MEGF8: variants seen among roughly 807,000 people sequenced by gnomAD.
MEGF8 encodes multiple EGF like domains 8.
A neutral mutation model predicts 302.9 loss-of-function variants in MEGF8; 156 were observed. The observed-to-expected ratio is 0.52, with a 90% CI of 0.45 to 0.59. The LOEUF (loss-of-function observed/expected upper bound fraction) is 0.59, where lower values mean the gene tolerates loss of function less well. Ranked by LOEUF, MEGF8 falls within the 20% of genes least tolerant of loss-of-function variation. The pLI, the probability that MEGF8 is intolerant of heterozygous loss-of-function variation, is 0.00. For missense variants in MEGF8, 3,345 were observed against 3,964.5 expected, an observed-to-expected ratio of 0.84 and a Z score of 4.20; for synonymous variants, 1,621 against 1,660.5, an observed-to-expected ratio of 0.98 and a Z score of 0.58.
Position 42,362,135 on chromosome 19 carries a change from G to T in MEGF8, c.5766G>T (p.Pro1922=). 6.2e-7 allele frequency: 1 copy of T among 1,612,292 alleles called. No individual in the cohort carries two copies. The highest frequency in any genetic ancestry group is 1.1e-5 in the South Asian group (1 of 90,752). Reference sequence around the variant, plus strand: ...CCTGCTCCCCAATGCCTCGCTCCCCGGAGGAATGTCGACGTCTCCGGACCT... The same window carrying T: ...CCTGCTCCCCAATGCCTCGCTCCCCTGAGGAATGTCGACGTCTCCGGACCT... The part of the protein sequence containing the change: ...GSPCSPMPRS[P]EECRRLRTCS... Residue 1922 remains proline, a synonymous_variant, in exon 33 of 42, where the codon CCG becomes CCT. Coordinates refer to ENST00000251268, the MANE Select transcript of MEGF8 (RefSeq NM_001271938.2).
At chr19:42,374,363 C>T (rs896572545) in intron 41 of MEGF8, among the ~76,000 whole-genome samples, 10 of 150,606 alleles carry the variant, frequency 6.6e-5, no homozygotes, top group Admixed American at 1.3e-4. Flanking sequence ...CCCAACTACT[C>T]GGGAGGCTGA....
At chr19:42,343,826 G>T in intron 9 of MEGF8, 128 bp from the exon 10 acceptor site, 2 of 1,403,656 alleles carry the variant, frequency 1.4e-6, no homozygotes. Context: ...GGAATGGATG[G>T]GCATGCTGAG....
At chr19:42,346,291 C>T (rs1568562376) in intron 12 of MEGF8, among the ~76,000 whole-genome samples, 1 of 152,160 alleles carries the variant, frequency 6.6e-6, no homozygotes, top group Non-Finnish European at 1.5e-5. Flanking sequence ...CGGTGGCTCA[C>T]GCCTGTAATT....
chr19:42,356,649 G>A lies in MEGF8; in HGVS notation c.4623-125G>A. The A allele has an allele frequency of 9.2e-7, 1 of 1,085,710 alleles. No homozygotes were observed. Among genetic ancestry groups the A allele is most frequent in the Non-Finnish European group, 1.3e-6 (1 of 770,262 alleles). 67.3% of individuals were successfully genotyped at this position (1,085,710 alleles called of 1,614,324 possible). On this transcript the variant is annotated intron_variant, in intron 26 of 41. Transcript: ENST00000251268. The surrounding 1 kb of genome is among the most constrained non-coding windows in gnomAD (Gnocchi z 5.2). Reference sequence around the variant, plus strand: ...CTTATTTGGGTGGTGCTACTCCAGGGAATGGCAAGAGGACTGTCATAGGAA... The same window carrying A: ...CTTATTTGGGTGGTGCTACTCCAGGAAATGGCAAGAGGACTGTCATAGGAA...
chr19:42,353,509 T>G lies in MEGF8; in HGVS notation c.3595T>G (p.Phe1199Val). ...CTGCGAACGATGCCGGCCCGGCAGC[T>G]TCGGCAACGCCACAGGCTCTAGGGG... ...EHCERCRPGS[F>V]GNATGSRGCR... Residue 1199 changes from phenylalanine (F) to valine (V), a missense_variant, in exon 21 of 42, where the codon TTC (phenylalanine) becomes GTC (valine). Physicochemically the swap from Phe to Val is conservative, Grantham distance 50. Transcript: ENST00000251268. This position sits in a 1 kb window ranked among gnomAD's most constrained non-coding sequence, Gnocchi z 6.1. 1.2e-6 allele frequency: 2 copies of G among 1,610,680 alleles called. No individual in the cohort carries two copies. The highest frequency in any genetic ancestry group is 1.7e-6 in the Non-Finnish European group (2 of 1,179,146).
chr19:42,366,746 T>C (rs187746505), intron 35 of MEGF8, among the ~76,000 whole-genome samples: 25 of 152,344 alleles, frequency 1.6e-4, no homozygotes, highest in African/African-American at 5.8e-4. Flanking sequence ...GTGTATGGTG[T>C]TGGGCATCTT....
At chr19:42,360,493 G>T (rs1386196018) in intron 31 of MEGF8, among the ~76,000 whole-genome samples, 1 of 151,826 alleles carries the variant, frequency 6.6e-6, no homozygotes, top group Non-Finnish European at 1.5e-5. Flanking sequence ...CCACAGGTGC[G>T]CACCACCATG....
chr19:42,352,680 C>A lies in MEGF8; in HGVS notation c.3350+224C>A. ...GCACCCATAGGCTGTGGGCCATAGT[C>A]TTCAGCGTTGCCATGGAGGCGGAGG... On this transcript the variant is annotated intron_variant, in intron 19 of 41. Transcript: ENST00000251268. The surrounding 1 kb of genome is among the most constrained non-coding windows in gnomAD (Gnocchi z 4.4). 1 of 675,196 alleles carries A rather than the reference C, an allele frequency of 1.5e-6. No homozygotes were observed. Among genetic ancestry groups the A allele is most frequent in the Non-Finnish European group, 2.5e-6 (1 of 405,734 alleles). 41.8% of individuals were successfully genotyped at this position (675,196 alleles called of 1,614,324 possible).
chr19:42,357,704 C>T lies in MEGF8; in HGVS notation c.5011+120C>T, dbSNP rs2039472474. ...ACCTGTCTCCCTCTCTTTCCCATCC[C>T]CATGCAGATTCTCAGGGCACCCTCT... On this transcript the variant is annotated intron_variant, in intron 28 of 41. Transcript: ENST00000251268. This position sits in a 1 kb window ranked among gnomAD's most constrained non-coding sequence, Gnocchi z 5.2. The T allele has an allele frequency of 7.6e-6, 7 of 916,334 alleles. No individual in the cohort carries two copies. The highest frequency in any genetic ancestry group is 3.2e-6 in the Non-Finnish European group (2 of 621,158). 56.8% of individuals were successfully genotyped at this position (916,334 alleles called of 1,614,324 possible).
In MEGF8 at chr19:42,350,395, G is replaced by A. The variant is rs1378371581; in HGVS notation, c.2736+11G>A. ...CACGCCTGCACCCAGGTGCCTGTGGGGCCACCAGGGGAGGTCACAAGGTGG... is the reference window on the plus strand; with the variant it reads ...CACGCCTGCACCCAGGTGCCTGTGGAGCCACCAGGGGAGGTCACAAGGTGG... On this transcript the variant is annotated intron_variant, in intron 15 of 41. Coordinates refer to ENST00000251268, the MANE Select transcript of MEGF8 (RefSeq NM_001271938.2). The A allele has an allele frequency of 6.7e-7, 1 of 1,500,032 alleles. No individual in the cohort carries two copies. Among genetic ancestry groups the A allele is most frequent in the Non-Finnish European group, 8.9e-7 (1 of 1,124,652 alleles). The allele number at this position is 1,500,032 out of a possible 1,614,324, so 92.9% of individuals were successfully genotyped here. A position where few individuals can be genotyped will look rare whatever the true frequency, so the allele number is the denominator to read the frequency against.
chr19:42,349,448 A>C, intron 13 of MEGF8, 51 bp from the exon 14 acceptor site: 1 of 1,528,876 alleles, frequency 6.5e-7, no homozygotes, highest in East Asian at 2.3e-5. Flanking sequence ...GGTCTGAGGA[A>C]GGAATGGGAA....
chr19:42,369,093 C>T lies in MEGF8; in HGVS notation c.6641+91C>T. The T allele has an allele frequency of 1.3e-6, 2 of 1,494,704 alleles. No individual in the cohort carries two copies. Among genetic ancestry groups the T allele is most frequent in the African/African-American group, 1.4e-5 (1 of 71,892 alleles). The allele number at this position is 1,494,704 out of a possible 1,614,324, so 92.6% of individuals were successfully genotyped here. A position where few individuals can be genotyped will look rare whatever the true frequency, so the allele number is the denominator to read the frequency against. ...GGATGAGGCCTAGAGCCAAGCAGGA[C>T]AGAAGAAAAGAAAGCTCGAGGCATG... On this transcript the variant is annotated intron_variant, in intron 37 of 41. Coordinates refer to ENST00000251268, the MANE Select transcript of MEGF8 (RefSeq NM_001271938.2). The surrounding 1 kb of genome is among the most constrained non-coding windows in gnomAD (Gnocchi z 5.7).
intron 8 of MEGF8, among the ~76,000 whole-genome samples, chr19:42,341,405 G>GCCA (rs2039211555): frequency 1.4e-5 from 2 of 147,664 alleles, no homozygotes; most frequent in African/African-American, 5.1e-5. Flanking sequence ...CTCCAGCCTG[G>GCCA]GTAACAGAGG....
rs748611632 is a variant in MEGF8 at position 42,351,174 on chromosome 19, G to A, written c.2737-42G>A. ...TGGGCACTGGGAGTCCAAAGGAAAG[G>A]GCTGAGTGGGGTTCTGACTCCTCTG... On this transcript the variant is annotated intron_variant, in intron 15 of 41. Transcript: ENST00000251268. The surrounding 1 kb of genome is among the most constrained non-coding windows in gnomAD (Gnocchi z 5.6). The A allele has an allele frequency of 1.8e-5, 27 of 1,521,998 alleles. No individual in the cohort carries two copies. The highest frequency in any genetic ancestry group is 2.3e-5 in the Non-Finnish European group (26 of 1,123,390). 94.3% of individuals were successfully genotyped at this position (1,521,998 alleles called of 1,614,324 possible). A position where few individuals can be genotyped will look rare whatever the true frequency, so the allele number is the denominator to read the frequency against.
chr19:42,336,396 A>T lies in MEGF8; in HGVS notation c.1244+50A>T. 6.6e-7 allele frequency: 1 copy of T among 1,516,436 alleles called. No homozygotes were observed. The highest frequency in any genetic ancestry group is 8.8e-7 in the Non-Finnish European group (1 of 1,131,564). 93.9% of individuals were successfully genotyped at this position (1,516,436 alleles called of 1,614,324 possible). A position where few individuals can be genotyped will look rare whatever the true frequency, so the allele number is the denominator to read the frequency against. On this transcript the variant is annotated intron_variant, in intron 6 of 41. Transcript: ENST00000251268. This position sits in a 1 kb window ranked among gnomAD's most constrained non-coding sequence, Gnocchi z 4.8. Reference sequence around the variant, plus strand: ...TGCTCCACAGGCCAGGCCCAGCTCAACACCATAGGCCTTTAGTCTTTAGAG... The same window carrying T: ...TGCTCCACAGGCCAGGCCCAGCTCATCACCATAGGCCTTTAGTCTTTAGAG...
At position 42,343,519 on chromosome 19, in the gene MEGF8, C is replaced by G; in HGVS notation, c.1556C>G (p.Ala519Gly). Reference protein sequence around the residue: ...PPSGRYSHVAAVLGGSVLLVA... With the variant: ...PPSGRYSHVAGVLGGSVLLVA... ...AGTGGTCGGTACTCACATGTAGCTG[C>G]GGTGCTTGGTGGCAGCGTCCTGTTG... is the stretch of plus-strand genomic sequence containing the variant. The change falls in exon 9 of 42, where the codon GCG (alanine) becomes GGG (glycine). Residue 519 changes from alanine to glycine, a missense_variant. Transcript: ENST00000251268. 1 of 1,613,190 alleles carries G rather than the reference C, an allele frequency of 6.2e-7. No homozygotes were observed. Among genetic ancestry groups the G allele is most frequent in the Non-Finnish European group, 8.5e-7 (1 of 1,179,492 alleles).
chr19:42,354,073 C>A lies in MEGF8; in HGVS notation c.4011+49C>A, dbSNP rs1197519028. The stretch of plus-strand genomic sequence containing the variant: ...TCAGGCGCATGAGCCAGAACCGTGT[C>A]CCCTGACCCAGCCTGCATCCTCAGA... On this transcript the variant is annotated intron_variant, in intron 22 of 41. Coordinates refer to ENST00000251268, the MANE Select transcript of MEGF8 (RefSeq NM_001271938.2). This position sits in a 1 kb window ranked among gnomAD's most constrained non-coding sequence, Gnocchi z 4.3. 6.5e-7 allele frequency: 1 copy of A among 1,544,376 alleles called. No homozygotes were observed. The highest frequency in any genetic ancestry group is 1.9e-5 in the Admixed American group (1 of 52,696).
chr19:42,343,462 T>A lies in MEGF8; in HGVS notation c.1514-15T>A. 1 of 1,574,042 alleles carries A rather than the reference T, an allele frequency of 6.4e-7. No individual in the cohort carries two copies. The highest frequency in any genetic ancestry group is 8.7e-7 in the Non-Finnish European group (1 of 1,152,158). On this transcript the variant is annotated splice_polypyrimidine_tract_variant and intron_variant, in intron 8 of 41. Coordinates refer to ENST00000251268, the MANE Select transcript of MEGF8 (RefSeq NM_001271938.2). The stretch of plus-strand genomic sequence containing the variant: ...TGGGGGTCTAATAATGTCATTGGGG[T>A]CTCTATTCCCCTAGGCCGAGCAGCG...
rs773853304 is a variant in MEGF8 at position 42,336,728 on chromosome 19, T to C, written c.1245-79T>C. 4 of 1,509,152 alleles carry C rather than the reference T, an allele frequency of 2.7e-6. No individual in the cohort carries two copies. Among genetic ancestry groups the C allele is most frequent in the Non-Finnish European group, 3.5e-6 (4 of 1,129,126 alleles). 93.5% of individuals were successfully genotyped at this position (1,509,152 alleles called of 1,614,324 possible). A position where few individuals can be genotyped will look rare whatever the true frequency, so the allele number is the denominator to read the frequency against. On this transcript the variant is annotated intron_variant, in intron 6 of 41. Coordinates refer to ENST00000251268, the MANE Select transcript of MEGF8 (RefSeq NM_001271938.2). This position sits in a 1 kb window ranked among gnomAD's most constrained non-coding sequence, Gnocchi z 4.8. ...CATGGCCAGTCTCATCCCTGGGTGA[T>C]CACATGGCTCCTAAGAGCCTGGAGG...
Sources: allele counts gnomAD v4.1 joint callset (sites outside exome capture counted in the v4.1 genomes callset), GRCh38; gene constraint gnomAD v4.1.1; non-coding constraint Gnocchi (gnomAD v3.1); transcripts MANE v1.5; gene names NCBI Gene and HGNC (gene_info 2026-07-23, HGNC 2026-07-21).